MID1: variants seen among roughly 807,000 people sequenced by gnomAD.
The protein encoded by MID1 is E3 ubiquitin-protein ligase Midline-1.
In MID1, 7 loss-of-function variants were observed where a neutral mutation model predicts 40.4. That is an observed-to-expected ratio of 0.17 (90% CI 0.10 to 0.33). The LOEUF is 0.33. MID1 is among the 10% of genes least tolerant of loss of function. MID1 has a pLI of 1.00. For synonymous variants in MID1, 229 were observed against 221.2 expected, an observed-to-expected ratio of 1.04 and a Z score of -0.31; for missense variants, 367 against 558.5, an observed-to-expected ratio of 0.66 and a Z score of 3.46.
At chrX:10,646,636 G>A (rs953997885) in intron 1 of MID1, among the ~76,000 whole-genome samples, 2 of 111,597 alleles carry the variant, frequency 1.8e-5, no homozygotes, top group Non-Finnish European at 3.8e-5. Context: ...TGCCCAAAAT[G>A]AGGGAAGTGT....
chrX:10,736,844 T>C (rs147656759), intron 1 of MID1, among the ~76,000 whole-genome samples: 3,730 of 112,155 alleles, frequency 0.033, 59 homozygotes, highest in Non-Finnish European at 0.053. Context: ...AAATTCCTCA[T>C]TTTTTATCCC....
chrX:10,555,173 G>C (rs905341886), intron 2 of MID1, among the ~76,000 whole-genome samples: 1 of 111,728 alleles, frequency 9.0e-6, no homozygotes, highest in African/African-American at 3.3e-5. Flanking sequence ...TAGCAGTCCA[G>C]CCCGCGAACA....
chrX:10,730,176 G>T (rs750500242), intron 1 of MID1, among the ~76,000 whole-genome samples: 1 of 110,826 alleles, frequency 9.0e-6, no homozygotes, highest in Non-Finnish European at 1.9e-5. Context: ...TAACCTAGTA[G>T]ATGTATTTGT....
intron 1 of MID1, among the ~76,000 whole-genome samples, chrX:10,669,901 C>A (rs913878921): frequency 8.9e-6 from 1 of 111,838 alleles, no homozygotes; most frequent in Non-Finnish European, 1.9e-5. Flanking sequence ...GGGATATAAC[C>A]AAACTCTCCT....
At chrX:10,822,204 G>A (rs755772425) in intron 1 of MID1, among the ~76,000 whole-genome samples, 1 of 111,329 alleles carries the variant, frequency 9.0e-6, no homozygotes, top group Non-Finnish European at 1.9e-5. Context: ...GCAATCATCT[G>A]ATCTTTGACA....
intron 1 of MID1, among the ~76,000 whole-genome samples, chrX:10,606,931 G>T (rs186844208): frequency 1.1e-4 from 12 of 110,899 alleles, no homozygotes; most frequent in African/African-American, 3.9e-4. Flanking sequence ...TGGGGTCTCA[G>T]TATATTGCCC....
chrX:10,470,735 T>C (rs1281798223), intron 6 of MID1, among the ~76,000 whole-genome samples: 5 of 112,377 alleles, frequency 4.4e-5, no homozygotes, highest in African/African-American at 6.5e-5. Context: ...TAACACATTC[T>C]GGAGCAGAGA....
intron 5 of MID1, among the ~76,000 whole-genome samples, chrX:10,475,459 A>G (rs1159970262): frequency 8.9e-6 from 1 of 112,008 alleles, no homozygotes; most frequent in East Asian, 2.8e-4. Context: ...TCATGTATAA[A>G]CTAAAAAGCA....
At chrX:10,771,459 G>T (rs1232791425) in intron 1 of MID1, among the ~76,000 whole-genome samples, 1 of 108,689 alleles carries the variant, frequency 9.2e-6, no homozygotes, top group East Asian at 2.9e-4. Flanking sequence ...TGTCTGGATG[G>T]TTTTAAACGA....
intron 1 of MID1, among the ~76,000 whole-genome samples, chrX:10,691,068 C>T (rs1395212534): frequency 1.8e-5 from 2 of 111,772 alleles, no homozygotes; most frequent in African/African-American, 3.3e-5. Context: ...TCTTCTAATA[C>T]AATATTTTAG....
At chrX:10,725,427 A>G (rs933784546) in intron 1 of MID1, among the ~76,000 whole-genome samples, 3 of 112,243 alleles carry the variant, frequency 2.7e-5, no homozygotes, top group Non-Finnish European at 5.6e-5. Flanking sequence ...GAGGGAAAAA[A>G]CTGCATGTAA....
At chrX:10,461,231 C>T (rs1273678313) in intron 7 of MID1, among the ~76,000 whole-genome samples, 1 of 100,023 alleles carries the variant, frequency 1.0e-5, no homozygotes, top group Non-Finnish European at 2.0e-5. Context: ...CAAACATTTT[C>T]GCCAGTGGAC....
At chrX:10,454,615 A>G (rs985124416) in intron 9 of MID1, among the ~76,000 whole-genome samples, 1 of 112,041 alleles carries the variant, frequency 8.9e-6, no homozygotes, top group Non-Finnish European at 1.9e-5. Flanking sequence ...AACATGGTAT[A>G]GCTCATCCAA....
chrX:10,823,850 T>C (rs1446850952), intron 1 of MID1, among the ~76,000 whole-genome samples: 2 of 111,604 alleles, frequency 1.8e-5, no homozygotes, highest in Admixed American at 9.6e-5. Flanking sequence ...TTTTGGAATA[T>C]AGCAATATGC....
In MID1 at chrX:10,613,732, T is replaced by TAGAGAGAG. The variant is rs1163813461; in HGVS notation, c.-57+6550_-57+6557dup. ...ATATATATATATATATATATATATA[T>TAGAGAGAG]AGAGAGAGAGAGAGAGAGAGAGAGA... On this transcript the variant is annotated intron_variant, in intron 1 of 9. Coordinates refer to ENST00000317552, the MANE Select transcript of MID1 (RefSeq NM_000381.4). Among the ~76,000 whole-genome samples the TAGAGAGAG allele has an allele frequency of 5.8e-3, 101 of 17,442 alleles. 2 individuals carry two copies. The highest frequency in any genetic ancestry group is 0.014 in the East Asian group (5 of 345). 15.1% of individuals were successfully genotyped at this position (17,442 alleles called of 115,157 possible).
At chrX:10,507,565 T>C (rs753046155) in intron 3 of MID1, among the ~76,000 whole-genome samples, 67 of 112,620 alleles carry the variant, frequency 5.9e-4, no homozygotes, top group Admixed American at 3.2e-3. Flanking sequence ...TGATTTCAGG[T>C]TGGCATCTGT....
chrX:10,461,671 T>C (rs1237168960), intron 7 of MID1, among the ~76,000 whole-genome samples: 6 of 111,895 alleles, frequency 5.4e-5, no homozygotes, highest in African/African-American at 1.9e-4. Flanking sequence ...ATTACAGTAG[T>C]AATAAAACAA....
chrX:10,561,812 C>T (rs914244707), intron 2 of MID1, among the ~76,000 whole-genome samples: 1 of 107,017 alleles, frequency 9.3e-6, no homozygotes, highest in African/African-American at 3.7e-5. Flanking sequence ...GACAGTGTGG[C>T]AATTCCTCAA....
intron 2 of MID1, among the ~76,000 whole-genome samples, chrX:10,566,020 G>C (rs905558535): frequency 9.1e-6 from 1 of 110,407 alleles, no homozygotes; most frequent in African/African-American, 3.3e-5. Context: ...ATGTTGGCCA[G>C]GATGGTTTTG....
Sources: gnomAD v4.1 joint callset for allele counts (sites outside exome capture counted in the v4.1 genomes callset) on GRCh38, gnomAD v4.1.1 for gene constraint, MANE v1.5 for transcripts, NCBI Gene and HGNC (gene_info 2026-07-23, HGNC 2026-07-21) for gene names.